COL4A5: variants seen among roughly 807,000 people sequenced by gnomAD.
The protein encoded by COL4A5 is collagen type IV alpha 5 chain.
Under a neutral mutation model 130.2 loss-of-function variants are expected in COL4A5, and 26 were observed. The ratio of observed to expected loss-of-function variants is 0.20; its 90% CI spans 0.15 to 0.28. The LOEUF is 0.28. Ranked by LOEUF, COL4A5 falls within the 10% of genes least tolerant of loss-of-function variation. COL4A5 has a pLI of 1.00. For missense variants in COL4A5, 1,131 were observed against 1,344.3 expected (o/e 0.84, Z 2.48); for synonymous variants, 496 against 439.6 (o/e 1.13, Z -1.60).
At chrX:108,447,283 GGGAGATAA>G (rs1169320711) in intron 1 of COL4A5, among the ~76,000 whole-genome samples, 1 of 110,804 alleles carries the variant, frequency 9.0e-6, no homozygotes, top group Non-Finnish European at 1.9e-5. Flanking sequence ...TTCCACTTTG[GGGAGATAA>G]TATCACAGCC....
At chrX:108,694,702 G>C in intron 50 of COL4A5, 105 bp from the exon 51 acceptor site, 1 of 604,312 alleles carries the variant, frequency 1.7e-6, no homozygotes, top group South Asian at 2.3e-5. Flanking sequence ...CATTGAAAGA[G>C]ACATTAATCG....
chrX:108,682,833 A>G (rs1323232095), intron 47 of COL4A5, among the ~76,000 whole-genome samples: 1 of 111,574 alleles, frequency 9.0e-6, no homozygotes, highest in East Asian at 2.8e-4. Context: ...ATTTTCTCCC[A>G]TTCTGTAGGT....
In COL4A5 at chrX:108,601,255, G is replaced by A. The variant is rs2066623051; in HGVS notation, c.1949-138G>A. ...TATATTTCTTGAATATATAGTGGAAGATTGTTTTTCTTGTGAATTTTTGTT... is the reference window on the plus strand; with the variant it reads ...TATATTTCTTGAATATATAGTGGAAAATTGTTTTTCTTGTGAATTTTTGTT... On this transcript the variant is annotated intron_variant, in intron 25 of 52. Transcript: ENST00000328300. 8.9e-5 allele frequency: 43 copies of A among 485,529 alleles called. No homozygotes were observed. In the South Asian group the frequency reaches 1.3e-3, roughly 15 times the overall value. 40.0% of individuals were successfully genotyped at this position (485,529 alleles called of 1,213,427 possible).
chrX:108,566,118 G>A (rs2147739955), intron 4 of COL4A5, among the ~76,000 whole-genome samples: 1 of 109,198 alleles, frequency 9.2e-6, no homozygotes, highest in East Asian at 2.9e-4. Context: ...ATTTTGCTCA[G>A]ACTTGCAAGA....
intron 41 of COL4A5, among the ~76,000 whole-genome samples, chrX:108,669,503 GA>G (rs754796243): frequency 8.9e-6 from 1 of 111,767 alleles, no homozygotes; most frequent in Non-Finnish European, 1.9e-5. Context: ...TATCTGATCT[GA>G]CATAATCTGA....
intron 36 of COL4A5, among the ~76,000 whole-genome samples, chrX:108,630,107 A>C (rs191503165): frequency 3.0e-3 from 333 of 111,953 alleles, no homozygotes; most frequent in African/African-American, 0.01. Context: ...GAATAGTGCC[A>C]CAATAAATAT....
intron 2 of COL4A5, 52 bp downstream of exon 2, chrX:108,539,857 G>T: frequency 4.0e-6 from 4 of 990,418 alleles, no homozygotes; most frequent in Non-Finnish European, 5.7e-6. Context: ...TAAACTAATG[G>T]TTTTAATAAA....
intron 36 of COL4A5, among the ~76,000 whole-genome samples, chrX:108,641,251 A>T (rs1172167590): frequency 2.7e-5 from 3 of 111,999 alleles, no homozygotes; most frequent in Non-Finnish European, 5.6e-5. Context: ...ATGAAGCTGT[A>T]TTTCTGCACA....
At chrX:108,444,162 T>C (rs746344355) in intron 1 of COL4A5, among the ~76,000 whole-genome samples, 1 of 110,742 alleles carries the variant, frequency 9.0e-6, no homozygotes, top group Admixed American at 9.6e-5. Flanking sequence ...CATGTCTCCA[T>C]CATTTTTTAA....
chrX:108,466,705 T>A (rs771013849), intron 1 of COL4A5, among the ~76,000 whole-genome samples: 1 of 110,636 alleles, frequency 9.0e-6, no homozygotes, highest in Non-Finnish European at 1.9e-5. Flanking sequence ...GCTCAAGTGA[T>A]CTTCCCATCT....
chrX:108,507,758 A>G (rs6622328), intron 1 of COL4A5, among the ~76,000 whole-genome samples: 27,135 of 111,148 alleles, frequency 0.24, 2,775 homozygotes, highest in East Asian at 0.57. Flanking sequence ...CAGTGAGCCT[A>G]GATCACACCA....
chrX:108,541,050 G>A (rs1490969823), intron 2 of COL4A5, among the ~76,000 whole-genome samples: 1 of 111,949 alleles, frequency 8.9e-6, no homozygotes, highest in Non-Finnish European at 1.9e-5. Flanking sequence ...TAGAGGTATA[G>A]AAGGTACGTT....
intron 35 of COL4A5, 119 bp downstream of exon 35, chrX:108,625,913 T>A: frequency 1.8e-6 from 1 of 562,329 alleles, no homozygotes; most frequent in Non-Finnish European, 3.0e-6. Flanking sequence ...ATATCTGAGG[T>A]AATCAGTGGG....
intron 1 of COL4A5, among the ~76,000 whole-genome samples, chrX:108,511,715 A>G (rs2065181021): frequency 8.9e-6 from 1 of 112,202 alleles, no homozygotes; most frequent in Non-Finnish European, 1.9e-5. Context: ...GAAAGAAAAT[A>G]TTCTTCAACA....
intron 1 of COL4A5, among the ~76,000 whole-genome samples, chrX:108,502,569 G>A (rs2065090708): frequency 8.9e-6 from 1 of 112,099 alleles, no homozygotes; most frequent in African/African-American, 3.2e-5. Context: ...ACAGGCATGA[G>A]CCACCGCGCC....
At chrX:108,631,460 T>A (rs766740715) in intron 36 of COL4A5, among the ~76,000 whole-genome samples, 14 of 111,140 alleles carry the variant, frequency 1.3e-4, no homozygotes, top group Admixed American at 1.3e-3. Context: ...TCTGCTTGTC[T>A]GTTATTGGTG....
chrX:108,479,599 G>T (rs930720811), intron 1 of COL4A5, among the ~76,000 whole-genome samples: 1 of 111,846 alleles, frequency 8.9e-6, no homozygotes, highest in South Asian at 3.8e-4. Flanking sequence ...CACCATCATT[G>T]CATGCTGGGG....
chrX:108,508,942 C>A (rs768393591), intron 1 of COL4A5, among the ~76,000 whole-genome samples: 1 of 111,831 alleles, frequency 8.9e-6, no homozygotes, highest in East Asian at 2.8e-4. Context: ...ATGTAAAACT[C>A]AAAACTGTAA....
At chrX:108,666,048 G>GA (rs770008300) in intron 38 of COL4A5, among the ~76,000 whole-genome samples, 13,021 of 96,326 alleles carry the variant, frequency 0.14, 2,101 homozygotes, top group African/African-American at 0.44. Flanking sequence ...CAAGACCCTC[G>GA]AAAAAAAAAA....
Sources: allele counts gnomAD v4.1 joint callset (sites outside exome capture counted in the v4.1 genomes callset), GRCh38; gene constraint gnomAD v4.1.1; transcripts MANE v1.5; gene names NCBI Gene and HGNC (gene_info 2026-07-23, HGNC 2026-07-21).